The following NFAM1 variants were observed in gnomAD, a reference collection of about 807,000 sequenced individuals.
NFAM1 encodes NFAT activating protein with ITAM motif 1, also known as NFAT activation molecule 1.
Under a neutral mutation model 29.0 loss-of-function variants are expected in NFAM1, and 17 were observed. The observed-to-expected ratio is 0.59, with a 90% confidence interval of 0.40 to 0.88. The LOEUF is 0.88. NFAM1 is among the 40% of genes least tolerant of loss of function. The pLI is 0.00. For missense variants in NFAM1, 324 were observed against 344.6 expected (o/e 0.94, Z 0.47); for synonymous variants, 175 against 147.2 (o/e 1.19, Z -1.36).
At chr22:42,394,367 T>TA (rs967894907) in intron 4 of NFAM1, among the ~76,000 whole-genome samples, 3 of 151,746 alleles carry the variant, frequency 2.0e-5, no homozygotes, top group East Asian at 1.9e-4. Context: ...CTTATTAATT[T>TA]AAAAAAAAAT....
intron 4 of NFAM1, among the ~76,000 whole-genome samples, chr22:42,391,501 G>C (rs983081694): frequency 2.0e-5 from 3 of 152,124 alleles, no homozygotes; most frequent in African/African-American, 7.2e-5. Context: ...TTCTGGATAC[G>C]TTTTGAAGCA....
intron 1 of NFAM1, among the ~76,000 whole-genome samples, chr22:42,424,537 G>A (rs181389397): frequency 2.8e-3 from 433 of 152,326 alleles, no homozygotes; most frequent in Admixed American, 7.1e-3. Flanking sequence ...TCTGCCACCC[G>A]ACCTCACAGC....
chr22:42,421,725 C>T (rs1471382349), intron 1 of NFAM1, among the ~76,000 whole-genome samples: 4 of 152,156 alleles, frequency 2.6e-5, no homozygotes, highest in African/African-American at 7.2e-5. Flanking sequence ...CAAGTTAGGT[C>T]GATTTTAAAG....
chr22:42,434,215 C>T (rs1930886308), upstream of NFAM1, among the ~76,000 whole-genome samples: 1 of 152,188 alleles, frequency 6.6e-6, no homozygotes, highest in African/African-American at 2.4e-5. Flanking sequence ...GTCTTCCTCC[C>T]CTCTCCTTCT....
chr22:42,422,860 A>G (rs1930491979), intron 1 of NFAM1, among the ~76,000 whole-genome samples: 1 of 152,118 alleles, frequency 6.6e-6, no homozygotes, highest in Non-Finnish European at 1.5e-5. Flanking sequence ...CACGCCTGTA[A>G]TCCTAGCACT....
At chr22:42,425,600 A>G in intron 1 of NFAM1, among the ~76,000 whole-genome samples, 1 of 152,058 alleles carries the variant, frequency 6.6e-6, no homozygotes, top group Non-Finnish European at 1.5e-5. Flanking sequence ...GGATGCTTTC[A>G]GCTGGCTGGC....
chr22:42,419,627 C>T lies in NFAM1; in HGVS notation c.122-7891G>A, dbSNP rs186290556. The stretch of plus-strand genomic sequence containing the variant: ...CCGCTCAGCTGCTCTCTGGCCCTCA[C>T]TCGCCCACTCCTGCGTAGACGTCAG... On this transcript the variant is annotated intron_variant, in intron 1 of 5. Coordinates refer to ENST00000329021, the MANE Select transcript of NFAM1 (RefSeq NM_145912.8). This position sits in a 1 kb window ranked among gnomAD's most constrained non-coding sequence, Gnocchi z 4.5. Among the ~76,000 whole-genome samples, 250 of 152,292 alleles carry T rather than the reference C, an allele frequency of 1.6e-3. 5 individuals are homozygous for T. Among genetic ancestry groups the T allele is most frequent in the Admixed American group, 0.015 (237 of 15,304 alleles).
At position 42,419,771 on chromosome 22, in the gene NFAM1, C is replaced by T. The variant is rs963247164; in HGVS notation, c.122-8035G>A. On this transcript the variant is annotated intron_variant, in intron 1 of 5. Coordinates refer to ENST00000329021, the MANE Select transcript of NFAM1 (RefSeq NM_145912.8). The surrounding 1 kb of genome is among the most constrained non-coding windows in gnomAD (Gnocchi z 4.5). ...GTCTCCAGGACATGCTCACTTCCTCCCTGAGCCACTCCTGGGTGTCTGGCT... is the reference window on the plus strand; with the variant it reads ...GTCTCCAGGACATGCTCACTTCCTCTCTGAGCCACTCCTGGGTGTCTGGCT... Among the ~76,000 whole-genome samples, 1 of 152,190 alleles carries T rather than the reference C, an allele frequency of 6.6e-6. No homozygotes were observed. Among genetic ancestry groups the T allele is most frequent in the African/African-American group, 2.4e-5 (1 of 41,440 alleles).
chr22:42,398,524 C>T (rs548335679), intron 3 of NFAM1, among the ~76,000 whole-genome samples: 11 of 151,822 alleles, frequency 7.2e-5, no homozygotes, highest in East Asian at 1.9e-4. Context: ...GCGATTCTCC[C>T]GCCTCAGCCT....
intron 1 of NFAM1, among the ~76,000 whole-genome samples, chr22:42,424,447 A>C (rs1370638689): frequency 6.6e-6 from 1 of 152,180 alleles, no homozygotes; most frequent in Non-Finnish European, 1.5e-5. Flanking sequence ...CACAAAAAAC[A>C]TACAAACAAC....
intron 3 of NFAM1, among the ~76,000 whole-genome samples, chr22:42,399,011 A>G (rs913550154): frequency 6.6e-6 from 1 of 152,230 alleles, no homozygotes; most frequent in Non-Finnish European, 1.5e-5. Context: ...GAGGAAACCA[A>G]TGCCCCACTG....
At chr22:42,410,905 T>C (rs1034129586) in intron 2 of NFAM1, among the ~76,000 whole-genome samples, 2 of 152,058 alleles carry the variant, frequency 1.3e-5, no homozygotes, top group African/African-American at 4.8e-5. Context: ...CCCTGCCCTT[T>C]CCACACCCAG....
chr22:42,397,095 C>T (rs1929554834), intron 4 of NFAM1, among the ~76,000 whole-genome samples: 2 of 152,230 alleles, frequency 1.3e-5, no homozygotes, highest in South Asian at 4.1e-4. Flanking sequence ...TTCCCTTGCT[C>T]TACTTGGAGC....
intron 3 of NFAM1, among the ~76,000 whole-genome samples, chr22:42,401,594 T>TG (rs1929728671): frequency 6.6e-6 from 1 of 152,060 alleles, no homozygotes; most frequent in Non-Finnish European, 1.5e-5. Flanking sequence ...CATTACATTA[T>TG]GGGGGTGGGG....
chr22:42,416,378 G>A (rs556699149), intron 1 of NFAM1, among the ~76,000 whole-genome samples: 2 of 152,256 alleles, frequency 1.3e-5, no homozygotes, highest in South Asian at 4.2e-4. Context: ...GCCAGGCTTC[G>A]GACCCCAGTT....
chr22:42,390,445 G>A (rs113588857), intron 4 of NFAM1, among the ~76,000 whole-genome samples: 5,752 of 152,170 alleles, frequency 0.038, 276 homozygotes, highest in African/African-American at 0.11. Context: ...GGACAGGAAA[G>A]GGAAGAGGGG....
chr22:42,428,749 A>G (rs537764752), intron 1 of NFAM1, among the ~76,000 whole-genome samples: 18 of 152,284 alleles, frequency 1.2e-4, no homozygotes, highest in Non-Finnish European at 2.5e-4. Flanking sequence ...TACAGCCCAG[A>G]GTTCTGGAAA....
chr22:42,395,435 C>T (rs563815008), intron 4 of NFAM1, among the ~76,000 whole-genome samples: 11 of 151,146 alleles, frequency 7.3e-5, no homozygotes, highest in East Asian at 3.9e-4. Flanking sequence ...GAGATTGCAC[C>T]GTTGCACTCC....
At position 42,382,415 on chromosome 22, in the gene NFAM1, C is replaced by T. The variant is rs1928986231; in HGVS notation, c.*2746G>A. On this transcript the variant is annotated 3_prime_UTR_variant, in exon 6 of 6. Transcript: ENST00000329021. ...CAGGTGGCCAGTGACTTGCCCAAGT[C>T]CACAAGGCTGTGGGAGGTGGAGCAG... 6.6e-6 allele frequency: 1 copy of T among 152,106 alleles called. No homozygotes were observed. The highest frequency in any genetic ancestry group is 1.5e-5 in the Non-Finnish European group (1 of 68,030). The allele number at this position is 152,106 out of a possible 1,614,324, so 9.4% of individuals were successfully genotyped here.
Sources: allele counts gnomAD v4.1 joint callset (sites outside exome capture counted in the v4.1 genomes callset), GRCh38; gene constraint gnomAD v4.1.1; non-coding constraint Gnocchi (gnomAD v3.1); transcripts MANE v1.5; gene names NCBI Gene and HGNC (gene_info 2026-07-23, HGNC 2026-07-21).